The following CCDC18 variants were observed in gnomAD, a reference collection of about 807,000 sequenced individuals.
CCDC18 encodes coiled-coil domain-containing protein 18.
A neutral mutation model predicts 196.0 loss-of-function variants in CCDC18; 157 were observed. The observed-to-expected ratio is 0.80, with a 90% CI of 0.70 to 0.91. CCDC18 has a LOEUF of 0.91. Among genes scored for constraint, CCDC18 ranks in the 40% least tolerant of loss-of-function variants. CCDC18 has a pLI of 0.00. For synonymous variants in CCDC18, 482 were observed against 529.2 expected, an observed-to-expected ratio of 0.91 and a Z score of 1.22; for missense variants, 1,465 against 1,611.6, an observed-to-expected ratio of 0.91 and a Z score of 1.56.
At chr1:93,274,707 G>C (rs946619707) in intron 28 of CCDC18, among the ~76,000 whole-genome samples, 1 of 152,008 alleles carries the variant, frequency 6.6e-6, no homozygotes, top group Admixed American at 6.6e-5. Flanking sequence ...AAACTAGCTG[G>C]GCATGGTGGC....
At chr1:93,184,222 A>G (rs755056871) in intron 3 of CCDC18, 76 bp downstream of exon 3, 38 of 722,230 alleles carry the variant, frequency 5.3e-5, no homozygotes, top group Non-Finnish European at 7.2e-5. Context: ...ATTTTTTTTA[A>G]TTTTAAAATT....
chr1:93,223,086 T>C (rs1443079409), intron 16 of CCDC18, among the ~76,000 whole-genome samples: 1 of 152,212 alleles, frequency 6.6e-6, no homozygotes, highest in African/African-American at 2.4e-5. Flanking sequence ...TATTAAAAAA[T>C]GATTACTGTA....
At position 93,183,940 on chromosome 1, in the gene CCDC18, A is replaced by G. The variant is rs1238953913; in HGVS notation, c.135-38A>G. 2.2e-6 allele frequency: 3 copies of G among 1,347,238 alleles called. No homozygotes were observed. In the Admixed American group the frequency reaches 6.6e-5, roughly 29 times the overall value. 83.5% of individuals were successfully genotyped at this position (1,347,238 alleles called of 1,614,324 possible). On this transcript the variant is annotated intron_variant, in intron 2 of 28. Transcript: ENST00000690025. ...TATAGCAATTTGTAGTGAATAAACT[A>G]TCCAAGAACTGAAATATGTTTTTTC... is the stretch of plus-strand genomic sequence containing the variant.
intron 4 of CCDC18, among the ~76,000 whole-genome samples, chr1:93,188,138 G>C (rs1651039732): frequency 6.6e-6 from 1 of 152,164 alleles, no homozygotes; most frequent in South Asian, 2.1e-4. Flanking sequence ...TCTCAGCTCA[G>C]CATTTTCAAA....
chr1:93,214,157 T>C (rs1209351598), intron 11 of CCDC18, among the ~76,000 whole-genome samples: 1 of 152,162 alleles, frequency 6.6e-6, no homozygotes, highest in Non-Finnish European at 1.5e-5. Flanking sequence ...TGAATTGGGC[T>C]CAAGTGATCC....
intron 23 of CCDC18, among the ~76,000 whole-genome samples, chr1:93,250,347 C>T (rs1460287033): frequency 2.2e-5 from 3 of 138,212 alleles, no homozygotes; most frequent in Non-Finnish European, 3.0e-5. Flanking sequence ...TGCCACTGCA[C>T]TCCAGCCTGG....
intron 21 of CCDC18, among the ~76,000 whole-genome samples, chr1:93,243,773 C>T (rs779617889): frequency 2.0e-5 from 3 of 152,192 alleles, no homozygotes; most frequent in Non-Finnish European, 4.4e-5. Context: ...CACCTTTGCT[C>T]CAGTTCCCAA....
At chr1:93,276,264 T>G (rs1665617206) in intron 28 of CCDC18, among the ~76,000 whole-genome samples, 1 of 152,228 alleles carries the variant, frequency 6.6e-6, no homozygotes, top group Non-Finnish European at 1.5e-5. Context: ...GCACTTCCAT[T>G]GAGAGTAAAG....
chr1:93,237,166 T>G (rs1660173775), intron 19 of CCDC18, among the ~76,000 whole-genome samples: 1 of 152,194 alleles, frequency 6.6e-6, no homozygotes, highest in South Asian at 2.1e-4. Context: ...GCAACTTGCT[T>G]CCTCAGATGT....
At chr1:93,223,189 A>T (rs752907809) in intron 16 of CCDC18, among the ~76,000 whole-genome samples, 4 of 152,220 alleles carry the variant, frequency 2.6e-5, no homozygotes, top group Non-Finnish European at 4.4e-5. Context: ...GTAACTGGGC[A>T]GTCATCTGGT....
chr1:93,192,374 T>C (rs1435418432), intron 5 of CCDC18, among the ~76,000 whole-genome samples: 1 of 152,224 alleles, frequency 6.6e-6, no homozygotes, highest in Non-Finnish European at 1.5e-5. Flanking sequence ...TTCACCTACA[T>C]AGAAGTATAT....
intron 3 of CCDC18, among the ~76,000 whole-genome samples, chr1:93,185,235 T>C (rs888858696): frequency 2.0e-5 from 3 of 151,946 alleles, no homozygotes; most frequent in African/African-American, 7.2e-5. Context: ...TGTTATTTTA[T>C]TGGTGATATT....
In CCDC18 at chr1:93,236,384, C is replaced by A; in HGVS notation, c.2597C>A (p.Thr866Asn). ...CAAAAAGTGATTGAGCTTACTGGCACTGCCAGGTAAAATGTGAATATGTTT... is the reference window on the plus strand; with the variant it reads ...CAAAAAGTGATTGAGCTTACTGGCAATGCCAGGTAAAATGTGAATATGTTT... ...KRQKVIELTGTARQVKIEMDQ... is the reference protein window; with the variant it reads ...KRQKVIELTGNARQVKIEMDQ... The change falls in exon 19 of 29, where the codon ACT becomes AAT. Residue 866 changes from threonine to asparagine, a missense_variant. Thr to Asn is a moderately conservative substitution (Grantham distance 65). Transcript: ENST00000690025. The A allele has an allele frequency of 6.3e-7, 1 of 1,590,350 alleles. No individual in the cohort carries two copies. The highest frequency in any genetic ancestry group is 8.5e-7 in the Non-Finnish European group (1 of 1,172,688).
At chr1:93,222,565 C>T (rs1264845175) in intron 16 of CCDC18, among the ~76,000 whole-genome samples, 1 of 152,134 alleles carries the variant, frequency 6.6e-6, no homozygotes, top group African/African-American at 2.4e-5. Context: ...AGTATATCTT[C>T]ATGGTTAAAA....
chr1:93,232,970 A>T (rs1245730351), intron 18 of CCDC18, among the ~76,000 whole-genome samples: 1 of 144,800 alleles, frequency 6.9e-6, no homozygotes, highest in Admixed American at 6.9e-5. Context: ...GACTCCGCCT[A>T]AAAAAAAAAA....
At chr1:93,198,035 G>A (rs1247519970) in intron 6 of CCDC18, among the ~76,000 whole-genome samples, 1 of 151,878 alleles carries the variant, frequency 6.6e-6, no homozygotes, top group Non-Finnish European at 1.5e-5. Context: ...ACAGGTGTGA[G>A]CCACCGCGCC....
intron 17 of CCDC18, among the ~76,000 whole-genome samples, chr1:93,229,641 G>C (rs757127891): frequency 4.6e-5 from 7 of 152,130 alleles, no homozygotes; most frequent in African/African-American, 1.2e-4. Flanking sequence ...TTGATTACCC[G>C]TTGCAAAAAG....
chr1:93,206,026 C>G (rs564070888), intron 8 of CCDC18, among the ~76,000 whole-genome samples: 88 of 151,976 alleles, frequency 5.8e-4, no homozygotes, highest in Non-Finnish European at 1.0e-3. Context: ...AAACAGAAGC[C>G]CCGAGAGTAG....
intron 19 of CCDC18, among the ~76,000 whole-genome samples, chr1:93,237,782 G>A (rs1660257765): frequency 6.6e-6 from 1 of 152,090 alleles, no homozygotes; most frequent in East Asian, 1.9e-4. Flanking sequence ...CACCTCTGAA[G>A]CTGATCCTTC....
Sources: allele counts gnomAD v4.1 joint callset (sites outside exome capture counted in the v4.1 genomes callset), GRCh38; gene constraint gnomAD v4.1.1; transcripts MANE v1.5; gene names NCBI Gene and HGNC (gene_info 2026-07-23, HGNC 2026-07-21).